CCBE1: variants seen among roughly 807,000 people sequenced by gnomAD.
The protein encoded by CCBE1 is collagen and calcium-binding EGF domain-containing protein 1.
CCBE1 carries 37 observed loss-of-function variants against 50.0 expected under a neutral mutation model. That is an observed-to-expected ratio of 0.74 (90% CI 0.57 to 0.97). CCBE1 has a LOEUF of 0.97. Ranked by LOEUF, CCBE1 falls within the 50% of genes least tolerant of loss-of-function variation. The pLI is 0.00. For synonymous variants in CCBE1, 234 were observed against 203.7 expected, an observed-to-expected ratio of 1.15 and a Z score of -1.27; for missense variants, 538 against 523.8, an observed-to-expected ratio of 1.03 and a Z score of -0.26.
Position 59,550,494 on chromosome 18 carries a change from G to A in CCBE1, c.213-70256C>T, listed in dbSNP as rs76605352. On this transcript the variant is annotated intron_variant, in intron 2 of 10. Coordinates refer to ENST00000439986, the MANE Select transcript of CCBE1 (RefSeq NM_133459.4). ...AGAAGCCTTCACAACACCACCCTCC[G>A]CAGTGGGCTGACTCCCTGGTCAATC... is the stretch of plus-strand genomic sequence containing the variant. 3.6e-3 allele frequency among the ~76,000 whole-genome samples: 549 copies of A among 152,210 alleles called. 3 individuals carry two copies. Among genetic ancestry groups the A allele is most frequent in the African/African-American group, 0.012 (512 of 41,530 alleles).
chr18:59,509,429 A>C (rs570325559), intron 2 of CCBE1, among the ~76,000 whole-genome samples: 2 of 152,224 alleles, frequency 1.3e-5, no homozygotes, highest in East Asian at 3.8e-4. Flanking sequence ...TTTAACCACA[A>C]AACAAAATCC....
At chr18:59,544,778 G>T (rs1425171644) in intron 2 of CCBE1, among the ~76,000 whole-genome samples, 1 of 152,144 alleles carries the variant, frequency 6.6e-6, no homozygotes, top group Non-Finnish European at 1.5e-5. Flanking sequence ...ATTCACCTGG[G>T]TCTCTTTTTC....
At chr18:59,616,558 A>G (rs1599067008) in intron 2 of CCBE1, among the ~76,000 whole-genome samples, 1 of 152,156 alleles carries the variant, frequency 6.6e-6, no homozygotes, top group South Asian at 2.1e-4. Flanking sequence ...TCTTGGCTGG[A>G]ACTTGTCTCT....
chr18:59,461,218 T>G (rs1465105805), intron 5 of CCBE1, among the ~76,000 whole-genome samples: 1 of 151,834 alleles, frequency 6.6e-6, no homozygotes, highest in African/African-American at 2.4e-5. Flanking sequence ...AACTTTCCAC[T>G]GCATCACAGC....
At chr18:59,593,242 C>T (rs2053300441) in intron 2 of CCBE1, among the ~76,000 whole-genome samples, 1 of 152,214 alleles carries the variant, frequency 6.6e-6, no homozygotes, top group African/African-American at 2.4e-5. Flanking sequence ...AAATGCCTGG[C>T]CATTCTTCAG....
intron 2 of CCBE1, among the ~76,000 whole-genome samples, chr18:59,626,004 T>C (rs2053779517): frequency 6.6e-6 from 1 of 152,138 alleles, no homozygotes; most frequent in African/African-American, 2.4e-5. Flanking sequence ...AATTACCCAG[T>C]CTCAAGTATT....
intron 2 of CCBE1, among the ~76,000 whole-genome samples, chr18:59,634,963 GA>G (rs1432354289): frequency 2.6e-5 from 4 of 152,094 alleles, no homozygotes; most frequent in Non-Finnish European, 5.9e-5. Flanking sequence ...AAACCCAAGA[GA>G]AAGAAGAAAC....
intron 2 of CCBE1, among the ~76,000 whole-genome samples, chr18:59,588,203 ATC>A (rs1238526051): frequency 2.0e-5 from 3 of 152,226 alleles, no homozygotes; most frequent in Non-Finnish European, 4.4e-5. Flanking sequence ...AATTACATTA[ATC>A]TGAGTGTACA....
At chr18:59,690,727 C>T (rs910422998) in intron 2 of CCBE1, among the ~76,000 whole-genome samples, 1 of 152,192 alleles carries the variant, frequency 6.6e-6, no homozygotes, top group African/African-American at 2.4e-5. Context: ...CCAATTACTC[C>T]GTATTGTTTC....
At chr18:59,542,218 G>A (rs978746165) in intron 2 of CCBE1, among the ~76,000 whole-genome samples, 2 of 148,166 alleles carry the variant, frequency 1.3e-5, no homozygotes, top group East Asian at 3.9e-4. Context: ...AACCTTAAAA[G>A]AACTATGCTT....
chr18:59,551,058 AAAG>A (rs1190317525), intron 2 of CCBE1, among the ~76,000 whole-genome samples: 9 of 151,388 alleles, frequency 5.9e-5, no homozygotes, highest in Non-Finnish European at 1.3e-4. Flanking sequence ...AAAAAAGAAA[AAAG>A]AAAAATAAAA....
intron 2 of CCBE1, among the ~76,000 whole-genome samples, chr18:59,529,502 G>A (rs1914965475): frequency 6.6e-6 from 1 of 152,230 alleles, no homozygotes; most frequent in Non-Finnish European, 1.5e-5. Flanking sequence ...CTCATGAAGG[G>A]AACTCCTGAT....
chr18:59,461,335 C>T (rs963124840), intron 5 of CCBE1, among the ~76,000 whole-genome samples: 10 of 147,452 alleles, frequency 6.8e-5, no homozygotes, highest in African/African-American at 2.5e-4. Context: ...ACCATCAAAG[C>T]CAGCCCCCAC....
chr18:59,590,255 T>G (rs1424379290), intron 2 of CCBE1, among the ~76,000 whole-genome samples: 5 of 151,242 alleles, frequency 3.3e-5, no homozygotes, highest in African/African-American at 1.2e-4. Context: ...ACAATGAATA[T>G]CTCCACAGCA....
At chr18:59,519,139 A>G (rs914449412) in intron 2 of CCBE1, among the ~76,000 whole-genome samples, 1 of 152,270 alleles carries the variant, frequency 6.6e-6, no homozygotes, top group East Asian at 1.9e-4. Flanking sequence ...GAGTACACCC[A>G]TATTATAAGC....
At chr18:59,631,362 A>C (rs956800712) in intron 2 of CCBE1, among the ~76,000 whole-genome samples, 1 of 152,226 alleles carries the variant, frequency 6.6e-6, no homozygotes, top group African/African-American at 2.4e-5. Context: ...TACATAAGCC[A>C]ATAAACTTCC....
At chr18:59,645,378 A>G (rs2054042652) in intron 2 of CCBE1, among the ~76,000 whole-genome samples, 1 of 152,242 alleles carries the variant, frequency 6.6e-6, no homozygotes. Flanking sequence ...GTAACAGAAA[A>G]TGTCACACAA....
intron 2 of CCBE1, among the ~76,000 whole-genome samples, chr18:59,534,717 T>C (rs1915181887): frequency 6.6e-6 from 1 of 152,210 alleles, no homozygotes; most frequent in Non-Finnish European, 1.5e-5. Flanking sequence ...ATGTCCACTG[T>C]AGAGAATGAG....
intron 2 of CCBE1, among the ~76,000 whole-genome samples, chr18:59,571,679 T>C (rs2052917947): frequency 6.6e-6 from 1 of 152,214 alleles, no homozygotes; most frequent in Admixed American, 6.5e-5. Flanking sequence ...AATGAATAAA[T>C]GAATAAACAT....
Sources: gnomAD v4.1 joint callset for allele counts (sites outside exome capture counted in the v4.1 genomes callset) on GRCh38, gnomAD v4.1.1 for gene constraint, MANE v1.5 for transcripts, NCBI Gene and HGNC (gene_info 2026-07-23, HGNC 2026-07-21) for gene names.